STRADA: variants seen among roughly 807,000 people sequenced by gnomAD.
STRADA encodes STE20 related adaptor alpha.
In STRADA, 26 loss-of-function variants were observed where a neutral mutation model predicts 55.0. The ratio of observed to expected loss-of-function variants is 0.47; its 90% confidence interval spans 0.35 to 0.66. STRADA has a LOEUF of 0.66. STRADA is among the 30% of genes least tolerant of loss of function. The pLI, the probability that STRADA is intolerant of heterozygous loss-of-function variation, is 0.01. For missense variants in STRADA, 443 were observed against 549.7 expected (o/e 0.81, Z 1.94); for synonymous variants, 197 against 210.9 (o/e 0.93, Z 0.57).
Position 63,704,518 on chromosome 17 carries a change from T to C in STRADA, c.923A>G (p.Glu308Gly), listed in dbSNP as rs1568171049. 1 of 1,600,820 alleles carries C rather than the reference T, an allele frequency of 6.2e-7. No homozygotes were observed. The highest frequency in any genetic ancestry group is 8.5e-7 in the Non-Finnish European group (1 of 1,173,254). ...GCGCGAAGGGCTCATGGTCAGCTCC[T>C]CAGCGGGGATGGTGCTGGTATCCAA... ...CLLDTSTIPA[E>G]ELTMSPSRSV... is the part of the protein sequence containing the mutation. The change falls in exon 11 of 13, where the codon GAG becomes GGG. Residue 308 changes from glutamate (E) to glycine (G), a missense_variant. Coordinates refer to ENST00000336174, the MANE Select transcript of STRADA (RefSeq NM_001003787.4).
chr17:63,721,573 G>A (rs539340510), intron 4 of STRADA, among the ~76,000 whole-genome samples: 1 of 151,486 alleles, frequency 6.6e-6, no homozygotes, highest in South Asian at 2.1e-4. Flanking sequence ...AATTAGCTGG[G>A]TGTGATGGCA....
Position 63,714,012 on chromosome 17 carries a change from C to T in STRADA, c.220G>A (p.Val74Met). Reference sequence around the variant, plus strand: ...GGACGGCCCCTGCACATACCTATCACAGTGAGCAGCTCGTAACACCCTCCC... The same window carrying T: ...GGACGGCCCCTGCACATACCTATCATAGTGAGCAGCTCGTAACACCCTCCC... ...PEGGCYELLT[V>M]IGKGFEDLMT... Residue 74 changes from valine (V) to methionine (M), a missense_variant, in exon 5 of 13, where the codon GTG becomes ATG. Physicochemically the swap from Val to Met is conservative, Grantham distance 21. Transcript: ENST00000336174. 2 of 1,613,502 alleles carry T rather than the reference C, an allele frequency of 1.2e-6. No individual in the cohort carries two copies. The highest frequency in any genetic ancestry group is 1.7e-6 in the Non-Finnish European group (2 of 1,179,496).
At position 63,706,665 on chromosome 17, in the gene STRADA, A is replaced by T; in HGVS notation, c.828T>A (p.His276Gln). ...GITACELANG[H>Q]VPFKDMPATQ... ...TGGCAGGCATATCCTTAAAGGGGAC[A>T]TGGCCGTTGGCCAGTTCACAGGCTG... is the stretch of plus-strand genomic sequence containing the variant. Residue 276 changes from histidine (H) to glutamine (Q), a missense_variant, in exon 10 of 13, where the codon CAT (histidine) becomes CAA (glutamine). Transcript: ENST00000336174. 6.2e-7 allele frequency: 1 copy of T among 1,614,024 alleles called. No individual in the cohort carries two copies. The highest frequency in any genetic ancestry group is 8.5e-7 in the Non-Finnish European group (1 of 1,179,884).
intron 8 of STRADA, among the ~76,000 whole-genome samples, chr17:63,708,784 C>G (rs2036290542): frequency 6.6e-6 from 1 of 152,234 alleles, no homozygotes; most frequent in Non-Finnish European, 1.5e-5. Context: ...ATCCACCCAC[C>G]TTGGCCTCCC....
At chr17:63,741,949 C>T (rs2038987977), upstream of STRADA, 1 of 152,300 alleles carries the variant, frequency 6.6e-6, no homozygotes, top group Non-Finnish European at 1.5e-5. Flanking sequence ...TGCGGCAGGC[C>T]CTAGCAGCCG....
At position 63,713,408 on chromosome 17, in the gene STRADA, GC is replaced by G; in HGVS notation, c.345del (p.Leu115PhefsTer53). ...GTGACACACTCATGGTTTATTACCT[GC>G]AAGAATGTTACCATCTCATTGGAAC... is the stretch of plus-strand genomic sequence containing the variant. ...EACSNEMVTF[L>X]QGELHVSKLF... On this transcript the variant is annotated frameshift_variant, in exon 6 of 13. Transcript: ENST00000336174. LOFTEE classifies it high-confidence loss of function. 1 of 1,613,556 alleles carries G rather than the reference GC, an allele frequency of 6.2e-7. No individual in the cohort carries two copies. Among genetic ancestry groups the G allele is most frequent in the Non-Finnish European group, 8.5e-7 (1 of 1,179,832 alleles).
At position 63,714,111 on chromosome 17, in the gene STRADA, A is replaced by AAAAAAG. The variant is rs753465977; in HGVS notation, c.124-9_124-4dup. ...GACTCTGAGCTCGCATCATTGGTCT[A>AAAAAAG]AAAAAGAAAAAGAAAAATAGGTTAG... On this transcript the variant is annotated splice_polypyrimidine_tract_variant and splice_region_variant and intron_variant, in intron 4 of 12. Transcript: ENST00000336174. The AAAAAAG allele has an allele frequency of 5.6e-6, 9 of 1,612,832 alleles. No homozygotes were observed. In the East Asian group the frequency reaches 1.8e-4, roughly 32 times the overall value.
intron 12 of STRADA, 119 bp downstream of exon 12, chr17:63,703,886 A>G (rs1032673577): frequency 4.5e-5 from 73 of 1,609,574 alleles, no homozygotes; most frequent in Non-Finnish European, 6.0e-5. Flanking sequence ...AGTGTCTTTC[A>G]GGGGCTTCGG....
chr17:63,731,879 T>TA (rs2038083270), intron 1 of STRADA, among the ~76,000 whole-genome samples: 2 of 152,214 alleles, frequency 1.3e-5, no homozygotes, highest in African/African-American at 4.8e-5. Flanking sequence ...CTTTTGTTTT[T>TA]TATGAGACAG....
intron 1 of STRADA, among the ~76,000 whole-genome samples, chr17:63,740,127 T>TATATACACAC (rs1246578359): frequency 1.9e-5 from 1 of 53,160 alleles, no homozygotes; most frequent in African/African-American, 1.1e-4. Flanking sequence ...CATATATATA[T>TATATACACAC]ACACATACAT....
chr17:63,737,892 C>T (rs756551848), intron 1 of STRADA, among the ~76,000 whole-genome samples: 8 of 151,676 alleles, frequency 5.3e-5, no homozygotes, highest in African/African-American at 1.5e-4. Context: ...GAGGCTGAGA[C>T]GGGAGGATCA....
At chr17:63,703,946 G>C (rs1283157084) in intron 12 of STRADA, 59 bp downstream of exon 12, 2 of 1,609,522 alleles carry the variant, frequency 1.2e-6, no homozygotes, top group African/African-American at 2.7e-5. Flanking sequence ...AAGCTAAAGG[G>C]ATTGTGAGTT....
chr17:63,704,214 T>A, intron 11 of STRADA, 127 bp downstream of exon 11: 1 of 1,532,868 alleles, frequency 6.5e-7, no homozygotes. Flanking sequence ...CAGGAGCTGA[T>A]CCCTCCTGTG....
chr17:63,715,216 C>A (rs1232882821), intron 4 of STRADA: 1 of 152,130 alleles, frequency 6.6e-6, no homozygotes, highest in Non-Finnish European at 1.5e-5. Context: ...TGTAAGATGA[C>A]CAGAGTATAC....
chr17:63,738,859 A>AATC (rs1344733342), intron 1 of STRADA, among the ~76,000 whole-genome samples: 2 of 149,682 alleles, frequency 1.3e-5, no homozygotes, highest in Non-Finnish European at 3.0e-5. Flanking sequence ...TAATAATAAT[A>AATC]ATGGGGAACA....
intron 8 of STRADA, 160 bp downstream of exon 8, chr17:63,710,331 G>T: frequency 7.9e-7 from 1 of 1,263,522 alleles, no homozygotes; most frequent in East Asian, 2.5e-5. Context: ...CCATCGCGCT[G>T]GGCCCTGTTT....
chr17:63,720,170 C>A (rs1487292134), intron 4 of STRADA, among the ~76,000 whole-genome samples: 3 of 140,240 alleles, frequency 2.1e-5, no homozygotes, highest in Non-Finnish European at 4.7e-5. Flanking sequence ...CCATGCCAAG[C>A]TAATTTTTTT....
At chr17:63,726,767 C>T in intron 2 of STRADA, 72 bp from the exon 3 acceptor site, 1 of 1,484,612 alleles carries the variant, frequency 6.7e-7, no homozygotes, top group Non-Finnish European at 9.4e-7. Context: ...AGCCTTTAGA[C>T]AGACAAACAA....
chr17:63,710,483 G>A lies in STRADA; in HGVS notation c.581+8C>T, dbSNP rs1367086685. On this transcript the variant is annotated splice_region_variant and intron_variant, in intron 8 of 12. Coordinates refer to ENST00000336174, the MANE Select transcript of STRADA (RefSeq NM_001003787.4). The stretch of plus-strand genomic sequence containing the variant: ...TGTAATCATGGGAAAGGCCGCCTAA[G>A]AACGCACCTGTGTACATATCCCATG... 6.2e-6 allele frequency: 10 copies of A among 1,613,122 alleles called. No individual in the cohort carries two copies. Among genetic ancestry groups the A allele is most frequent in the Non-Finnish European group, 8.5e-6 (10 of 1,179,862 alleles).
Sources: allele counts gnomAD v4.1 joint callset (sites outside exome capture counted in the v4.1 genomes callset), GRCh38; gene constraint gnomAD v4.1.1; transcripts MANE v1.5; gene names NCBI Gene and HGNC (gene_info 2026-07-23, HGNC 2026-07-21).